The following ESCO1 variants were observed in gnomAD, a reference collection of about 807,000 sequenced individuals.
ESCO1 encodes N-acetyltransferase ESCO1.
A neutral mutation model predicts 83.5 loss-of-function variants in ESCO1; 33 were observed. The ratio of observed to expected loss-of-function variants is 0.40; its 90% CI spans 0.30 to 0.53. The LOEUF is 0.53. ESCO1 is among the 20% of genes least tolerant of loss of function. ESCO1 has a pLI of 0.63. For synonymous variants in ESCO1, 332 were observed against 324.3 expected (o/e 1.02, Z -0.25); for missense variants, 855 against 968.0 (o/e 0.88, Z 1.55).
chr18:21,588,424 A>G (rs1288797923), intron 1 of ESCO1, among the ~76,000 whole-genome samples: 1 of 151,340 alleles, frequency 6.6e-6, no homozygotes. Context: ...TTGTTAATAA[A>G]CTTGCTTTTA....
At chr18:21,599,736 T>C (rs982885410) in intron 1 of ESCO1, among the ~76,000 whole-genome samples, 3 of 152,116 alleles carry the variant, frequency 2.0e-5, no homozygotes, top group African/African-American at 7.2e-5. Context: ...TGGTCCCCGC[T>C]GCGTCCCCAT....
intron 1 of ESCO1, among the ~76,000 whole-genome samples, chr18:21,586,548 T>G (rs2038584877): frequency 6.6e-6 from 1 of 152,222 alleles, no homozygotes; most frequent in Non-Finnish European, 1.5e-5. Flanking sequence ...CCTTTTTGGA[T>G]GATTCATCAC....
At chr18:21,550,014 GA>G (rs2038025873) in intron 8 of ESCO1, among the ~76,000 whole-genome samples, 1 of 150,830 alleles carries the variant, frequency 6.6e-6, no homozygotes, top group Admixed American at 6.6e-5. Flanking sequence ...ACTGTAGTAA[GA>G]AAACACCCAA....
At chr18:21,572,351 T>C (rs1052685697) in intron 4 of ESCO1, among the ~76,000 whole-genome samples, 1 of 152,330 alleles carries the variant, frequency 6.6e-6, no homozygotes, top group African/African-American at 2.4e-5. Flanking sequence ...GTAGTCTACA[T>C]ATAATTTACT....
At chr18:21,568,178 A>C in intron 4 of ESCO1, 84 bp from the exon 5 acceptor site, 2 of 982,298 alleles carry the variant, frequency 2.0e-6, no homozygotes, top group East Asian at 4.9e-5. Context: ...ATACTAAAAA[A>C]ATTTAACATA....
intron 6 of ESCO1, among the ~76,000 whole-genome samples, chr18:21,565,472 G>C (rs1011891103): frequency 1.3e-5 from 2 of 152,198 alleles, no homozygotes; most frequent in South Asian, 4.1e-4. Flanking sequence ...TGCGGGATAA[G>C]TTCTATAGCT....
chr18:21,594,982 G>GA (rs1197186694), intron 1 of ESCO1, among the ~76,000 whole-genome samples: 2 of 142,912 alleles, frequency 1.4e-5, no homozygotes, highest in African/African-American at 5.3e-5. Context: ...TTTTATATAT[G>GA]AAAAACTACA....
At chr18:21,593,605 G>GGGAGAGGGAGAGGGAGAA in intron 1 of ESCO1, 2 of 147,534 alleles carry the variant, frequency 1.4e-5, no homozygotes, top group Admixed American at 1.4e-4. Flanking sequence ...CGTAGGGAGA[G>GGGAGAGGGAGAGGGAGAA]GGAGAGGGAG....
chr18:21,557,099 C>T (rs527506867), intron 8 of ESCO1, among the ~76,000 whole-genome samples: 2 of 152,248 alleles, frequency 1.3e-5, no homozygotes, highest in African/African-American at 4.8e-5. Context: ...ATACTACTGT[C>T]TATATATGCC....
intron 1 of ESCO1, among the ~76,000 whole-genome samples, chr18:21,592,433 C>A (rs1161313399): frequency 6.9e-6 from 1 of 145,764 alleles, no homozygotes; most frequent in African/African-American, 2.6e-5. Flanking sequence ...GGGGGCTGAC[C>A]CCCCCACCTC....
intron 8 of ESCO1, among the ~76,000 whole-genome samples, chr18:21,549,004 T>C (rs947320564): frequency 6.6e-6 from 1 of 152,154 alleles, no homozygotes; most frequent in African/African-American, 2.4e-5. Flanking sequence ...TACAGAGTTT[T>C]CTGAAGTATC....
intron 8 of ESCO1, among the ~76,000 whole-genome samples, chr18:21,556,021 A>G (rs961572418): frequency 1.3e-5 from 2 of 151,988 alleles, no homozygotes; most frequent in Non-Finnish European, 2.9e-5. Flanking sequence ...TTGGGAACTC[A>G]AGGTAGGCAG....
intron 1 of ESCO1, 43 bp downstream of exon 1, chr18:21,600,580 G>A (rs1327660818): frequency 5.9e-5 from 9 of 152,548 alleles, no homozygotes; most frequent in Admixed American, 3.9e-4. Flanking sequence ...CAAAAGAGAG[G>A]TGAAGACACA....
At chr18:21,569,150 T>G (rs1701568) in intron 4 of ESCO1, among the ~76,000 whole-genome samples, 1 of 152,232 alleles carries the variant, frequency 6.6e-6, no homozygotes, top group Non-Finnish European at 1.5e-5. Flanking sequence ...ATCTCTTTCG[T>G]GTGCTTATCA....
chr18:21,599,865 C>G (rs2038817426), intron 1 of ESCO1, among the ~76,000 whole-genome samples: 1 of 152,134 alleles, frequency 6.6e-6, no homozygotes, highest in Admixed American at 6.6e-5. Flanking sequence ...CAAAATAAAC[C>G]CCCATAGTAA....
chr18:21,599,782 A>G (rs1267486843), intron 1 of ESCO1, among the ~76,000 whole-genome samples: 1 of 152,140 alleles, frequency 6.6e-6, no homozygotes, highest in Non-Finnish European at 1.5e-5. Flanking sequence ...GGATTTTCGG[A>G]CGCATCATTG....
rs199553670 is a variant in ESCO1 at position 21,536,123 on chromosome 18, G to A, written c.2106C>T (p.Cys702=). The A allele has an allele frequency of 1.9e-6, 3 of 1,614,096 alleles. No homozygotes were observed. Among genetic ancestry groups the A allele is most frequent in the Admixed American group, 3.3e-5 (2 of 60,012 alleles). The change falls in exon 10 of 12, where the codon TGC becomes TGT. Residue 702 remains cysteine, a synonymous_variant. Coordinates refer to ENST00000269214, the MANE Select transcript of ESCO1 (RefSeq NM_052911.3). ...DLGFQQAPLM[C]YSRTKTLLFI... The stretch of plus-strand genomic sequence containing the variant: ...AGAGAAGTGTTTTAGTTCTGGAATA[G>A]CACATTAGTGGAGCCTGTTGAAAAC...
At chr18:21,594,573 G>C (rs1461624142) in intron 1 of ESCO1, among the ~76,000 whole-genome samples, 1 of 152,038 alleles carries the variant, frequency 6.6e-6, no homozygotes. Flanking sequence ...GCGTGGTGGT[G>C]GGCGCCTGTA....
intron 6 of ESCO1, among the ~76,000 whole-genome samples, chr18:21,564,720 G>A (rs959151792): frequency 5.9e-5 from 9 of 151,740 alleles, no homozygotes; most frequent in East Asian, 1.9e-4. Flanking sequence ...TCTACACAAC[G>A]CTGATAAATT....
Sources: gnomAD v4.1 joint callset for allele counts (sites outside exome capture counted in the v4.1 genomes callset) on GRCh38, gnomAD v4.1.1 for gene constraint, MANE v1.5 for transcripts, NCBI Gene and HGNC (gene_info 2026-07-23, HGNC 2026-07-21) for gene names.